The following SHANK2 variants were observed in gnomAD, a reference collection of about 807,000 sequenced individuals.
The protein encoded by SHANK2 is SH3 and multiple ankyrin repeat domains protein 2.
SHANK2 carries 43 observed loss-of-function variants against 133.7 expected under a neutral mutation model. The observed-to-expected ratio is 0.32, with a 90% confidence interval of 0.25 to 0.41. The LOEUF is 0.41. SHANK2 is among the 10% of genes least tolerant of loss of function. The pLI is 1.00. For missense variants in SHANK2, 1,994 were observed against 2,235.8 expected (o/e 0.89, Z 2.18); for synonymous variants, 1,017 against 952.8 (o/e 1.07, Z -1.24).
chr11:70,635,557 G>T (rs1335270833), intron 17 of SHANK2: 1 of 151,962 alleles, frequency 6.6e-6, no homozygotes, highest in Non-Finnish European at 1.5e-5. Context: ...CCAGGGGCCG[G>T]GGGAGGGGAT....
At chr11:70,898,293 C>T (rs1555076101) in intron 10 of SHANK2, among the ~76,000 whole-genome samples, 1 of 148,234 alleles carries the variant, frequency 6.7e-6, no homozygotes, top group African/African-American at 2.5e-5. Context: ...CACACACACA[C>T]ACACACACAC....
intron 10 of SHANK2, among the ~76,000 whole-genome samples, chr11:70,918,382 G>A (rs1401034598): frequency 6.6e-6 from 1 of 152,202 alleles, no homozygotes; most frequent in East Asian, 1.9e-4. Context: ...AGAATCACAA[G>A]GTCACCCAGC....
intron 17 of SHANK2, among the ~76,000 whole-genome samples, chr11:70,629,227 T>C (rs1591670763): frequency 6.6e-6 from 1 of 152,270 alleles, no homozygotes; most frequent in Admixed American, 6.5e-5. Context: ...TGTTCTCCGC[T>C]GAGCCACACC....
intron 12 of SHANK2, among the ~76,000 whole-genome samples, chr11:70,808,597 T>C (rs1361675490): frequency 6.9e-6 from 1 of 143,914 alleles, no homozygotes; most frequent in Non-Finnish European, 1.5e-5. Flanking sequence ...TGGCCAGGCA[T>C]GGTGCTGTGC....
chr11:70,831,236 C>T (rs528501548), intron 11 of SHANK2, among the ~76,000 whole-genome samples: 8 of 152,154 alleles, frequency 5.3e-5, no homozygotes, highest in African/African-American at 1.7e-4. Flanking sequence ...GTTGCCTGCC[C>T]GCACGCCCAC....
chr11:70,845,801 C>T (rs1948988407), intron 11 of SHANK2, among the ~76,000 whole-genome samples: 1 of 152,208 alleles, frequency 6.6e-6, no homozygotes, highest in African/African-American at 2.4e-5. Flanking sequence ...GGAGAGCCCA[C>T]TTCCAAGTTG....
At chr11:70,799,955 C>T (rs1418109203) in intron 13 of SHANK2, among the ~76,000 whole-genome samples, 1 of 152,168 alleles carries the variant, frequency 6.6e-6, no homozygotes, top group Non-Finnish European at 1.5e-5. Context: ...CATGGCCCTA[C>T]TGTGATAACT....
intron 21 of SHANK2, among the ~76,000 whole-genome samples, chr11:70,496,123 C>G (rs1318398354): frequency 1.3e-5 from 2 of 152,108 alleles, no homozygotes; most frequent in African/African-American, 4.8e-5. Flanking sequence ...AGGGGAAGGC[C>G]TGGGCGCAGG....
chr11:70,520,055 T>C (rs1289964401), intron 17 of SHANK2, among the ~76,000 whole-genome samples: 2 of 152,166 alleles, frequency 1.3e-5, no homozygotes, highest in Admixed American at 6.5e-5. Context: ...GTCTAGTCTT[T>C]GTTTTTAAAC....
Position 70,926,255 on chromosome 11 carries a change from AC to A in SHANK2, c.1108-29689del, listed in dbSNP as rs781874986. On this transcript the variant is annotated intron_variant, in intron 10 of 25. Transcript: ENST00000601538. ...AGACTCCATCTCTACAAAATACCAA[AC>A]AAAAATTAGCTGAACATGGTGATAC... Among the ~76,000 whole-genome samples, 53 of 152,232 alleles carry A rather than the reference AC, an allele frequency of 3.5e-4. 1 individual carries two copies. In the East Asian group the frequency reaches 5.2e-3, roughly 15 times the overall value.
intron 1 of SHANK2, among the ~76,000 whole-genome samples, chr11:71,227,770 C>A (rs1954665247): frequency 6.6e-6 from 1 of 152,068 alleles, no homozygotes; most frequent in East Asian, 1.9e-4. Flanking sequence ...ACATTCTTTT[C>A]AAGTGTTCAT....
At chr11:70,562,982 C>T (rs2059925602) in intron 17 of SHANK2, among the ~76,000 whole-genome samples, 1 of 152,230 alleles carries the variant, frequency 6.6e-6, no homozygotes, top group Non-Finnish European at 1.5e-5. Flanking sequence ...AGCGATTCTC[C>T]TGCCTCAGCC....
chr11:70,530,336 G>T (rs11236560), intron 17 of SHANK2, among the ~76,000 whole-genome samples: 17,157 of 152,140 alleles, frequency 0.11, 1,037 homozygotes, highest in Middle Eastern at 0.17. Context: ...AGGAGTTCGA[G>T]ATCAGCCTGG....
In SHANK2 at chr11:70,794,421, ATCTATGGTGACAGAAATCTATGG is replaced by A. The variant is rs376383598; in HGVS notation, c.1777+3999_1777+4021del. ...TACATGAAATCCAGTGATAGGCAAA[ATCTATGGTGACAGAAATCTATGG>A]TCTATGGTGACAGAAATCAGAACCA... On this transcript the variant is annotated intron_variant, in intron 14 of 25. Transcript: ENST00000601538. 4.5e-4 allele frequency among the ~76,000 whole-genome samples: 69 copies of A among 152,262 alleles called. 2 individuals carry two copies. Among genetic ancestry groups the A allele is most frequent in the African/African-American group, 1.5e-3 (64 of 41,562 alleles).
intron 14 of SHANK2, among the ~76,000 whole-genome samples, chr11:70,745,438 C>T (rs957560237): frequency 7.9e-5 from 12 of 152,220 alleles, no homozygotes; most frequent in Non-Finnish European, 1.5e-4. Flanking sequence ...CACAGTCCCT[C>T]AAAACAAACC....
chr11:70,482,492 G>C (rs2135712482), intron 25 of SHANK2, among the ~76,000 whole-genome samples: 1 of 152,358 alleles, frequency 6.6e-6, no homozygotes, highest in African/African-American at 2.4e-5. Context: ...CAAACCCTGA[G>C]CCAGCTCCAT....
chr11:70,719,601 C>A (rs1946031987), intron 14 of SHANK2, among the ~76,000 whole-genome samples: 1 of 152,078 alleles, frequency 6.6e-6, no homozygotes, highest in Non-Finnish European at 1.5e-5. Flanking sequence ...CTGATGTGAT[C>A]TATGGGCAAA....
chr11:70,546,190 C>T (rs1031884013), intron 17 of SHANK2, among the ~76,000 whole-genome samples: 6 of 150,786 alleles, frequency 4.0e-5, no homozygotes, highest in Non-Finnish European at 7.4e-5. Flanking sequence ...CCGCCCGCCT[C>T]GGCCTCCCAA....
chr11:70,599,346 A>G (rs10899229), intron 17 of SHANK2, among the ~76,000 whole-genome samples: 117,432 of 150,980 alleles, frequency 0.78, 45,974 homozygotes, highest in East Asian at 0.93. Flanking sequence ...AGTGGCTCAC[A>G]TCTGTAATCC....
Sources: allele counts gnomAD v4.1 joint callset (sites outside exome capture counted in the v4.1 genomes callset), GRCh38; gene constraint gnomAD v4.1.1; transcripts MANE v1.5; gene names NCBI Gene and HGNC (gene_info 2026-07-23, HGNC 2026-07-21).